Variants in SDK1 observed in about 807,000 individuals in gnomAD.
SDK1 encodes protein sidekick-1.
In SDK1, 157 loss-of-function variants were observed where a neutral mutation model predicts 245.5. The observed-to-expected ratio is 0.64, with a 90% CI of 0.56 to 0.73. The LOEUF (loss-of-function observed/expected upper bound fraction) is 0.73, where lower values mean the gene tolerates loss of function less well. SDK1 is among the 30% of genes least tolerant of loss of function. The pLI is 0.00. For synonymous variants in SDK1, 1,647 were observed against 1,278.5 expected, an observed-to-expected ratio of 1.29 and a Z score of -6.15; for missense variants, 3,583 against 3,002.3, an observed-to-expected ratio of 1.19 and a Z score of -4.52.
At chr7:4,098,408 A>C (rs903577734) in intron 22 of SDK1, among the ~76,000 whole-genome samples, 4 of 151,932 alleles carry the variant, frequency 2.6e-5, no homozygotes, top group South Asian at 2.1e-4. Flanking sequence ...CCTTCATCCT[A>C]ATTCTCTTGT....
chr7:3,557,080 C>A (rs1434108772), intron 1 of SDK1, among the ~76,000 whole-genome samples: 3 of 151,278 alleles, frequency 2.0e-5, no homozygotes, highest in African/African-American at 7.3e-5. Context: ...AAATCCAGAA[C>A]AAGCAGAAGG....
At chr7:3,431,081 C>T (rs1779831905) in intron 1 of SDK1, among the ~76,000 whole-genome samples, 1 of 151,874 alleles carries the variant, frequency 6.6e-6, no homozygotes, top group Non-Finnish European at 1.5e-5. Flanking sequence ...TTTTATTTTT[C>T]ATAGAGACAG....
At position 4,043,301 on chromosome 7, in the gene SDK1, C is replaced by T. The variant is rs560315590; in HGVS notation, c.2603-6047C>T. ...GTAGAGTGAGTGTCACAGCCAGGGG[C>T]CCAGGTAGAGTGAGTCACAGCCGGG... On this transcript the variant is annotated intron_variant, in intron 17 of 44. Transcript: ENST00000404826. 9.3e-5 allele frequency among the ~76,000 whole-genome samples: 13 copies of T among 140,290 alleles called. No homozygotes were observed. In the East Asian group the frequency reaches 2.6e-3, roughly 28 times the overall value. The allele number at this position is 140,290 out of a possible 152,430, so 92.0% of individuals were successfully genotyped here.
At chr7:4,192,497 G>C (rs962228043) in intron 35 of SDK1, among the ~76,000 whole-genome samples, 1 of 152,084 alleles carries the variant, frequency 6.6e-6, no homozygotes, top group Non-Finnish European at 1.5e-5. Flanking sequence ...GGATGGTCTC[G>C]ATCTCCTGAA....
chr7:4,245,290 T>C (rs955374311), intron 43 of SDK1, among the ~76,000 whole-genome samples: 23 of 152,112 alleles, frequency 1.5e-4, no homozygotes, highest in Non-Finnish European at 4.4e-5. Flanking sequence ...AGACTGTTCC[T>C]CATGACTCCA....
At chr7:4,109,107 T>G (rs140617165) in intron 22 of SDK1, among the ~76,000 whole-genome samples, 1 of 152,316 alleles carries the variant, frequency 6.6e-6, no homozygotes, top group East Asian at 1.9e-4. Context: ...TTGACTGTCG[T>G]GACTAGTGCA....
intron 1 of SDK1, among the ~76,000 whole-genome samples, chr7:3,343,002 GA>G (rs59587479): frequency 9.2e-4 from 127 of 137,990 alleles, no homozygotes; most frequent in Middle Eastern, 7.6e-3. Flanking sequence ...CTAAATGGCT[GA>G]AAAAAAAAAA....
intron 16 of SDK1, 91 bp downstream of exon 16, chr7:4,012,326 C>A: frequency 7.5e-7 from 1 of 1,330,408 alleles, no homozygotes; most frequent in Non-Finnish European, 9.9e-7. Flanking sequence ...TCTGTAAGAG[C>A]CAAACAGGAA....
chr7:4,127,568 C>T, intron 26 of SDK1, 72 bp downstream of exon 26: 1 of 1,099,058 alleles, frequency 9.1e-7, no homozygotes, highest in South Asian at 1.3e-5. Context: ...TGCTATTCCC[C>T]CAAAGCAACG....
chr7:3,721,992 C>T (rs1778825300), intron 4 of SDK1, among the ~76,000 whole-genome samples: 1 of 152,148 alleles, frequency 6.6e-6, no homozygotes. Flanking sequence ...GTCTGGAAGG[C>T]AGTGGCAACG....
intron 5 of SDK1, among the ~76,000 whole-genome samples, chr7:3,840,491 G>A (rs929646724): frequency 2.0e-5 from 3 of 152,144 alleles, no homozygotes; most frequent in African/African-American, 7.2e-5. Context: ...AGTGGTCCTT[G>A]GGCTAGTACT....
At chr7:4,108,961 T>C (rs1002407011) in intron 22 of SDK1, among the ~76,000 whole-genome samples, 3 of 152,206 alleles carry the variant, frequency 2.0e-5, no homozygotes, top group Non-Finnish European at 4.4e-5. Flanking sequence ...TAGCTTTCCA[T>C]CAGTCATGTT....
chr7:3,533,447 A>G (rs1007184617), intron 1 of SDK1, among the ~76,000 whole-genome samples: 5 of 152,218 alleles, frequency 3.3e-5, no homozygotes, highest in African/African-American at 1.2e-4. Flanking sequence ...TGCCACCAAA[A>G]TAAATCCTAT....
At chr7:3,616,189 C>G (rs1781766664) in intron 1 of SDK1, among the ~76,000 whole-genome samples, 1 of 152,276 alleles carries the variant, frequency 6.6e-6, no homozygotes, top group East Asian at 1.9e-4. Context: ...ACTGGCTGTC[C>G]TTTTGTAGTA....
Position 3,948,251 on chromosome 7 carries a change from C to CTTTTTT in SDK1, c.848-2653_848-2648dup, listed in dbSNP as rs34746302. On this transcript the variant is annotated intron_variant, in intron 5 of 44. Coordinates refer to ENST00000404826, the MANE Select transcript of SDK1 (RefSeq NM_152744.4). ...TGACCTTGTGTGTGTATCACCATTGCTTTTTTTTTTTTTTTTTTTTTTTTG... is the reference window on the plus strand; with the variant it reads ...TGACCTTGTGTGTGTATCACCATTGCTTTTTTTTTTTTTTTTTTTTTTTTTTTTTTG... 2.1e-3 allele frequency among the ~76,000 whole-genome samples: 167 copies of CTTTTTT among 79,652 alleles called. 2 individuals are homozygous for CTTTTTT. Among genetic ancestry groups the CTTTTTT allele is most frequent in the African/African-American group, 2.9e-3 (54 of 18,476 alleles). The allele number at this position is 79,652 out of a possible 152,430, so 52.3% of individuals were successfully genotyped here. A position where few individuals can be genotyped will look rare whatever the true frequency, so the allele number is the denominator to read the frequency against.
chr7:4,212,711 C>T (rs1228330979), intron 38 of SDK1, among the ~76,000 whole-genome samples: 2 of 152,318 alleles, frequency 1.3e-5, no homozygotes, highest in South Asian at 2.1e-4. Context: ...ATTTTGGAGA[C>T]ACACACGGGT....
At chr7:3,654,685 T>G (rs951485737) in intron 4 of SDK1, among the ~76,000 whole-genome samples, 5 of 152,132 alleles carry the variant, frequency 3.3e-5, no homozygotes, top group African/African-American at 1.2e-4. Flanking sequence ...ACATCACAGA[T>G]AGAGAAACGT....
intron 1 of SDK1, among the ~76,000 whole-genome samples, chr7:3,415,787 G>C (rs1779349469): frequency 6.6e-6 from 1 of 151,680 alleles, no homozygotes. Flanking sequence ...TCGGAGTAGG[G>C]ACTATGTTTT....
At chr7:4,237,602 G>A in intron 41 of SDK1, 45 bp from the exon 42 acceptor site, 1 of 1,611,454 alleles carries the variant, frequency 6.2e-7, no homozygotes, top group Non-Finnish European at 8.5e-7. Context: ...GACTGCAGCT[G>A]GAGCGTCTGC....
Sources: gnomAD v4.1 joint callset for allele counts (sites outside exome capture counted in the v4.1 genomes callset) on GRCh38, gnomAD v4.1.1 for gene constraint, MANE v1.5 for transcripts, NCBI Gene and HGNC (gene_info 2026-07-23, HGNC 2026-07-21) for gene names.